JAM3: variants seen among roughly 807,000 people sequenced by gnomAD.
JAM3 encodes the protein junctional adhesion molecule C.
A neutral mutation model predicts 39.4 loss-of-function variants in JAM3; 31 were observed. The ratio of observed to expected loss-of-function variants is 0.79; its 90% confidence interval spans 0.59 to 1.06. The LOEUF (loss-of-function observed/expected upper bound fraction) is 1.06. Ranked by LOEUF, JAM3 falls within the 50% of genes least tolerant of loss-of-function variation. The pLI is 0.00. For synonymous variants in JAM3, 182 were observed against 148.7 expected, an observed-to-expected ratio of 1.22 and a Z score of -1.63; for missense variants, 455 against 391.4, an observed-to-expected ratio of 1.16 and a Z score of -1.37.
chr11:134,115,314 C>T (rs1942405824), intron 1 of JAM3, among the ~76,000 whole-genome samples: 1 of 152,092 alleles, frequency 6.6e-6, no homozygotes, highest in African/African-American at 2.4e-5. Context: ...TCTAATCTAA[C>T]AATATATGCC....
In JAM3 at chr11:134,114,257, G is replaced by T. The variant is rs528406825; in HGVS notation, c.77-25594G>T. 2.6e-5 allele frequency among the ~76,000 whole-genome samples: 4 copies of T among 152,326 alleles called. No homozygotes were observed. In the East Asian group the frequency reaches 7.7e-4, roughly 29 times the overall value. On this transcript the variant is annotated intron_variant, in intron 1 of 8. Transcript: ENST00000299106. ...CTATTGCTTTTGATGTTTTAGACAT[G>T]AAGTCCTTGCCCATGCCTATGTCCT...
At chr11:134,146,752 A>G (rs375743746) in intron 6 of JAM3, among the ~76,000 whole-genome samples, 7 of 152,208 alleles carry the variant, frequency 4.6e-5, no homozygotes, top group African/African-American at 1.4e-4. Context: ...TTTTGTAGAT[A>G]CGGGGTCTCA....
chr11:134,085,395 G>T (rs1371850235), intron 1 of JAM3, among the ~76,000 whole-genome samples: 2 of 152,126 alleles, frequency 1.3e-5, no homozygotes, highest in Non-Finnish European at 2.9e-5. Flanking sequence ...ATATGATGAG[G>T]TGATCAAAGA....
At chr11:134,119,641 G>A (rs1565495502) in intron 1 of JAM3, among the ~76,000 whole-genome samples, 1 of 152,180 alleles carries the variant, frequency 6.6e-6, no homozygotes, top group Non-Finnish European at 1.5e-5. Context: ...GCAGTCTGCT[G>A]GAGGAGTTTC....
intron 1 of JAM3, among the ~76,000 whole-genome samples, chr11:134,134,084 G>C (rs537490781): frequency 2.0e-5 from 3 of 151,982 alleles, no homozygotes; most frequent in Non-Finnish European, 4.4e-5. Flanking sequence ...GAATCAAAAC[G>C]AAACACTAGA....
rs150996724 is a variant in JAM3 at position 134,088,529 on chromosome 11, A to G, written c.76+19370A>G. Reference sequence around the variant, plus strand: ...AAACGGAATACAAAATCTATTTTACATGTACATCCTTTTCTATATACTTAA... The same window carrying G: ...AAACGGAATACAAAATCTATTTTACGTGTACATCCTTTTCTATATACTTAA... On this transcript the variant is annotated intron_variant, in intron 1 of 8. Coordinates refer to ENST00000299106, the MANE Select transcript of JAM3 (RefSeq NM_032801.5). Among the ~76,000 whole-genome samples, 1,221 of 152,306 alleles carry G rather than the reference A, an allele frequency of 8.0e-3. 11 individuals are homozygous for G. Among genetic ancestry groups the G allele is most frequent in the African/African-American group, 0.028 (1,145 of 41,558 alleles).
intron 1 of JAM3, among the ~76,000 whole-genome samples, chr11:134,101,337 A>C (rs1444790015): frequency 6.6e-6 from 1 of 152,262 alleles, no homozygotes; most frequent in East Asian, 1.9e-4. Flanking sequence ...AATCTTTTCA[A>C]GGAGGACAGC....
chr11:134,082,938 A>G (rs1466488208), intron 1 of JAM3, among the ~76,000 whole-genome samples: 1 of 152,288 alleles, frequency 6.6e-6, no homozygotes, highest in Non-Finnish European at 1.5e-5. Flanking sequence ...TGGTATGCAA[A>G]AGCATTATGT....
chr11:134,117,146 G>A (rs957883656), intron 1 of JAM3, among the ~76,000 whole-genome samples: 6 of 152,050 alleles, frequency 3.9e-5, no homozygotes, highest in Non-Finnish European at 8.8e-5. Flanking sequence ...TGGATCATCT[G>A]AGGTCAGGAG....
chr11:134,132,628 A>G (rs1159680316), intron 1 of JAM3, among the ~76,000 whole-genome samples: 1 of 152,186 alleles, frequency 6.6e-6, no homozygotes, highest in Non-Finnish European at 1.5e-5. Context: ...TGGTAAGACA[A>G]TTTCTCTTTT....
chr11:134,129,124 T>G (rs200570556), intron 1 of JAM3, among the ~76,000 whole-genome samples: 8 of 57,532 alleles, frequency 1.4e-4, no homozygotes, highest in Admixed American at 1.2e-3. Flanking sequence ...TTCAAGTTCT[T>G]TTTTTTTTTT....
At chr11:134,124,865 G>A (rs1942834493) in intron 1 of JAM3, among the ~76,000 whole-genome samples, 1 of 152,212 alleles carries the variant, frequency 6.6e-6, no homozygotes, top group Non-Finnish European at 1.5e-5. Flanking sequence ...ACTCAGAATC[G>A]CCGTAAATGT....
chr11:134,105,655 C>T (rs1457959372), intron 1 of JAM3, among the ~76,000 whole-genome samples: 1 of 152,224 alleles, frequency 6.6e-6, no homozygotes, highest in Admixed American at 6.5e-5. Context: ...TCAGCAAAAT[C>T]TCAGGATACA....
intron 5 of JAM3, among the ~76,000 whole-genome samples, chr11:134,145,685 C>A (rs1943058532): frequency 6.6e-6 from 1 of 152,164 alleles, no homozygotes; most frequent in South Asian, 2.1e-4. Flanking sequence ...CATTGAAGAG[C>A]CCTTTTACCA....
At chr11:134,106,047 A>C (rs1591785310) in intron 1 of JAM3, among the ~76,000 whole-genome samples, 1 of 152,168 alleles carries the variant, frequency 6.6e-6, no homozygotes, top group African/African-American at 2.4e-5. Flanking sequence ...CCAAGTCAAT[A>C]ATAAGCCAAA....
At chr11:134,078,413 C>A (rs993093840) in intron 1 of JAM3, among the ~76,000 whole-genome samples, 2 of 152,214 alleles carry the variant, frequency 1.3e-5, no homozygotes, top group African/African-American at 4.8e-5. Context: ...AGCCACCGCA[C>A]CTGGCCCACT....
chr11:134,128,630 G>A (rs77602019), intron 1 of JAM3, among the ~76,000 whole-genome samples: 7,183 of 152,068 alleles, frequency 0.047, 637 homozygotes, highest in African/African-American at 0.16. Flanking sequence ...TCGCTCACTC[G>A]TGTGCATGTG....
intron 3 of JAM3, 136 bp from the exon 4 acceptor site, chr11:134,144,105 T>C: frequency 1.2e-6 from 1 of 820,876 alleles, no homozygotes; most frequent in Non-Finnish European, 2.0e-6. Context: ...TTCACTTCTG[T>C]ACTCGGGAAT....
In JAM3 at chr11:134,096,371, T is replaced by C. The variant is rs1941983612; in HGVS notation, c.76+27212T>C. Among the ~76,000 whole-genome samples the C allele has an allele frequency of 1.3e-5, 2 of 152,214 alleles. 1 individual carries two copies. The highest frequency in any genetic ancestry group is 4.1e-4 in the South Asian group (2 of 4,826). On this transcript the variant is annotated intron_variant, in intron 1 of 8. Coordinates refer to ENST00000299106, the MANE Select transcript of JAM3 (RefSeq NM_032801.5). Reference sequence around the variant, plus strand: ...ATTCTCTGATCATCTTCTTGGTCTGTTCACTTCCATCCAGAAGGCCTGGGT... The same window carrying C: ...ATTCTCTGATCATCTTCTTGGTCTGCTCACTTCCATCCAGAAGGCCTGGGT...
Sources: gnomAD v4.1 joint callset for allele counts (sites outside exome capture counted in the v4.1 genomes callset) on GRCh38, gnomAD v4.1.1 for gene constraint, MANE v1.5 for transcripts, NCBI Gene and HGNC (gene_info 2026-07-23, HGNC 2026-07-21) for gene names.